The following KCNAB1 variants were observed in gnomAD, a reference collection of about 807,000 sequenced individuals.
KCNAB1 encodes the protein voltage-gated potassium channel subunit beta-1.
In KCNAB1, 35 loss-of-function variants were observed where a neutral mutation model predicts 64.6. The ratio of observed to expected loss-of-function variants is 0.54; its 90% CI spans 0.41 to 0.72. The LOEUF (loss-of-function observed/expected upper bound fraction) is 0.72, where lower values mean the gene tolerates loss of function less well. Among genes scored for constraint, KCNAB1 ranks in the 30% least tolerant of loss-of-function variants. The pLI is 0.00. For missense variants in KCNAB1, 401 were observed against 512.9 expected, an observed-to-expected ratio of 0.78 and a Z score of 2.11; for synonymous variants, 177 against 183.8, an observed-to-expected ratio of 0.96 and a Z score of 0.30.
intron 2 of KCNAB1, among the ~76,000 whole-genome samples, chr3:156,434,682 G>A (rs533369791): frequency 3.3e-5 from 5 of 151,924 alleles, no homozygotes; most frequent in Admixed American, 3.3e-4. Flanking sequence ...ACAAATCAAA[G>A]AAGAAAAGGA....
chr3:156,243,228 A>G (rs578108579), intron 1 of KCNAB1, among the ~76,000 whole-genome samples: 1 of 142,340 alleles, frequency 7.0e-6, no homozygotes, highest in African/African-American at 2.6e-5. Flanking sequence ...TTATTTTTTT[A>G]AATTTTTTAT....
intron 1 of KCNAB1, among the ~76,000 whole-genome samples, chr3:156,154,950 C>T (rs1029074740): frequency 1.3e-5 from 2 of 152,146 alleles, no homozygotes; most frequent in Non-Finnish European, 2.9e-5. Context: ...CTAATGTTCA[C>T]CACTTCTTGG....
intron 1 of KCNAB1, among the ~76,000 whole-genome samples, chr3:156,318,071 CAG>C (rs1238657873): frequency 9.2e-5 from 14 of 152,220 alleles, no homozygotes; most frequent in Admixed American, 5.9e-4. Context: ...AAAGCAGTGA[CAG>C]AGAGGTAAAA....
intron 1 of KCNAB1, among the ~76,000 whole-genome samples, chr3:156,411,586 A>G (rs932532443): frequency 2.6e-5 from 4 of 152,068 alleles, no homozygotes; most frequent in African/African-American, 7.2e-5. Context: ...CAATTATTTC[A>G]TTTGCCCCAT....
chr3:156,133,533 A>G (rs1209644507), intron 1 of KCNAB1, among the ~76,000 whole-genome samples: 1 of 152,234 alleles, frequency 6.6e-6, no homozygotes, highest in African/African-American at 2.4e-5. Flanking sequence ...AACAGAATTT[A>G]TTAAGGAAGT....
intron 1 of KCNAB1, among the ~76,000 whole-genome samples, chr3:156,206,478 A>G (rs891285640): frequency 1.3e-5 from 2 of 152,172 alleles, no homozygotes; most frequent in Non-Finnish European, 2.9e-5. Flanking sequence ...AAGCACTTTA[A>G]GGAGGAAGAG....
intron 1 of KCNAB1, among the ~76,000 whole-genome samples, chr3:156,123,674 ACT>A (rs1463720629): frequency 1.3e-5 from 2 of 152,130 alleles, no homozygotes. Context: ...TTGACTGATA[ACT>A]CTGTGATACT....
intron 1 of KCNAB1, among the ~76,000 whole-genome samples, chr3:156,293,020 G>C (rs1720545802): frequency 6.6e-6 from 1 of 152,170 alleles, no homozygotes; most frequent in South Asian, 2.1e-4. Flanking sequence ...GTAAATTGTT[G>C]CAATTCTACT....
chr3:156,140,382 T>A (rs1714637739), intron 1 of KCNAB1, among the ~76,000 whole-genome samples: 1 of 152,188 alleles, frequency 6.6e-6, no homozygotes, highest in South Asian at 2.1e-4. Flanking sequence ...GGCTGAAGTC[T>A]GAGATCAGGG....
intron 2 of KCNAB1, among the ~76,000 whole-genome samples, chr3:156,448,287 C>A (rs1480084998): frequency 6.6e-6 from 1 of 152,130 alleles, no homozygotes; most frequent in Non-Finnish European, 1.5e-5. Context: ...TAATTGTATG[C>A]CATTCTAGGT....
intron 1 of KCNAB1, among the ~76,000 whole-genome samples, chr3:156,180,354 A>G (rs1000001172): frequency 6.6e-6 from 1 of 152,254 alleles, no homozygotes; most frequent in Admixed American, 6.5e-5. Context: ...TAATTGTGCC[A>G]TACTGACTAG....
intron 1 of KCNAB1, among the ~76,000 whole-genome samples, chr3:156,312,843 C>A (rs1722020479): frequency 6.6e-6 from 1 of 152,064 alleles, no homozygotes; most frequent in African/African-American, 2.4e-5. Flanking sequence ...TTGGCCCTCT[C>A]CCCAAGGTTT....
At chr3:156,359,261 T>C (rs1725452353) in intron 1 of KCNAB1, among the ~76,000 whole-genome samples, 1 of 152,248 alleles carries the variant, frequency 6.6e-6, no homozygotes, top group African/African-American at 2.4e-5. Context: ...TATTAGCTTA[T>C]GCTTTTTTCC....
intron 1 of KCNAB1, among the ~76,000 whole-genome samples, chr3:156,179,275 A>G (rs745553661): frequency 1.6e-4 from 25 of 152,160 alleles, no homozygotes; most frequent in Non-Finnish European, 3.2e-4. Context: ...CTAATACTAT[A>G]TATATATGTA....
intron 13 of KCNAB1, among the ~76,000 whole-genome samples, chr3:156,533,344 G>A (rs1241785922): frequency 6.6e-6 from 1 of 152,162 alleles, no homozygotes; most frequent in Non-Finnish European, 1.5e-5. Flanking sequence ...CATGTGAAGA[G>A]TCCAGGAAAG....
chr3:156,236,414 G>A (rs538294096), intron 1 of KCNAB1, among the ~76,000 whole-genome samples: 4 of 152,210 alleles, frequency 2.6e-5, no homozygotes, highest in East Asian at 1.9e-4. Context: ...CACACTTATT[G>A]AATCATGGTC....
At chr3:156,127,354 T>A (rs1713719154) in intron 1 of KCNAB1, among the ~76,000 whole-genome samples, 1 of 152,228 alleles carries the variant, frequency 6.6e-6, no homozygotes, top group Non-Finnish European at 1.5e-5. Flanking sequence ...AGGCACATTC[T>A]CCCTAAGGCT....
chr3:156,488,702 C>G (rs1418719175), intron 8 of KCNAB1, among the ~76,000 whole-genome samples: 1 of 151,996 alleles, frequency 6.6e-6, no homozygotes, highest in Non-Finnish European at 1.5e-5. Flanking sequence ...ATAGCCAACT[C>G]CAGAGTCCTA....
chr3:156,123,150 T>C (rs1713450210), intron 1 of KCNAB1, among the ~76,000 whole-genome samples: 1 of 152,272 alleles, frequency 6.6e-6, no homozygotes, highest in Non-Finnish European at 1.5e-5. Context: ...AACTTGTATG[T>C]AGAAGATAAA....
Sources: gnomAD v4.1 joint callset for allele counts (sites outside exome capture counted in the v4.1 genomes callset) on GRCh38, gnomAD v4.1.1 for gene constraint, MANE v1.5 for transcripts, NCBI Gene and HGNC (gene_info 2026-07-23, HGNC 2026-07-21) for gene names.